PXDNL: variants seen among roughly 807,000 people sequenced by gnomAD.
PXDNL encodes the protein peroxidasin like, also known as probable oxidoreductase PXDNL.
PXDNL carries 145 observed loss-of-function variants against 150.8 expected under a neutral mutation model. The ratio of observed to expected loss-of-function variants is 0.96; its 90% CI spans 0.84 to 1.10. The LOEUF is 1.10. PXDNL is among the 50% of genes least tolerant of loss of function. The pLI, the probability that PXDNL is intolerant of heterozygous loss-of-function variation, is 0.00. For synonymous variants in PXDNL, 757 were observed against 725.7 expected, an observed-to-expected ratio of 1.04 and a Z score of -0.69; for missense variants, 2,087 against 1,873.9, an observed-to-expected ratio of 1.11 and a Z score of -2.10.
chr8:51,516,602 A>G (rs1246700955), intron 4 of PXDNL, among the ~76,000 whole-genome samples: 1 of 152,232 alleles, frequency 6.6e-6, no homozygotes, highest in Non-Finnish European at 1.5e-5. Flanking sequence ...GTTTTACAAT[A>G]TTAGCATTTT....
chr8:51,413,438 T>C (rs952380986), intron 14 of PXDNL, among the ~76,000 whole-genome samples, 180 bp from the exon 15 acceptor site: 1 of 152,208 alleles, frequency 6.6e-6, no homozygotes, highest in Non-Finnish European at 1.5e-5. Flanking sequence ...GGTAATTATC[T>C]TGAAGCAAGG....
intron 6 of PXDNL, among the ~76,000 whole-genome samples, chr8:51,476,496 G>A (rs1810478909): frequency 6.6e-6 from 1 of 152,094 alleles, no homozygotes; most frequent in Non-Finnish European, 1.5e-5. Context: ...TCTTTATGGT[G>A]TTTCCTAAGA....
intron 1 of PXDNL, among the ~76,000 whole-genome samples, chr8:51,710,620 C>T (rs370946062): frequency 3.5e-4 from 53 of 152,264 alleles, no homozygotes; most frequent in East Asian, 1.5e-3. Context: ...CCTTGGTAGC[C>T]GCCATTCTGC....
At chr8:51,557,258 G>A (rs1812619456) in intron 3 of PXDNL, among the ~76,000 whole-genome samples, 1 of 152,052 alleles carries the variant, frequency 6.6e-6, no homozygotes, top group South Asian at 2.1e-4. Flanking sequence ...TTATGACACT[G>A]AATATATTCA....
At chr8:51,652,458 CACAA>C (rs1317374709) in intron 2 of PXDNL, among the ~76,000 whole-genome samples, 21 of 149,462 alleles carry the variant, frequency 1.4e-4, no homozygotes, top group East Asian at 3.9e-4. Context: ...CACACACACA[CACAA>C]ACACACACAC....
At chr8:51,419,730 A>AT (rs1808896902) in intron 14 of PXDNL, among the ~76,000 whole-genome samples, 1 of 152,230 alleles carries the variant, frequency 6.6e-6, no homozygotes, top group African/African-American at 2.4e-5. Context: ...AGTTATTATT[A>AT]AATATTTTTT....
chr8:51,423,457 C>A, intron 14 of PXDNL, 118 bp downstream of exon 14: 1 of 687,704 alleles, frequency 1.5e-6, no homozygotes, highest in African/African-American at 1.9e-5. Context: ...TATAAACACA[C>A]TTGACCAGAA....
intron 11 of PXDNL, among the ~76,000 whole-genome samples, chr8:51,448,657 A>C (rs1035526731): frequency 1.3e-5 from 2 of 152,018 alleles, no homozygotes; most frequent in Non-Finnish European, 2.9e-5. Flanking sequence ...CCGAGATTGC[A>C]CCACTGCACT....
chr8:51,442,886 T>C (rs1809583890), intron 12 of PXDNL, among the ~76,000 whole-genome samples: 1 of 152,120 alleles, frequency 6.6e-6, no homozygotes, highest in Non-Finnish European at 1.5e-5. Context: ...AAATACCTTA[T>C]GGCATTAATT....
intron 1 of PXDNL, among the ~76,000 whole-genome samples, chr8:51,716,769 C>T (rs373782258): frequency 1.3e-5 from 2 of 152,318 alleles, no homozygotes; most frequent in South Asian, 2.1e-4. Flanking sequence ...AGGTGGAAAA[C>T]GATTGCACCC....
At position 51,490,727 on chromosome 8, in the gene PXDNL, A is replaced by AGTGTGTGTGT. The variant is rs35415972; in HGVS notation, c.453-7023_453-7014dup. On this transcript the variant is annotated intron_variant, in intron 5 of 22. Transcript: ENST00000356297. The stretch of plus-strand genomic sequence containing the variant: ...CTCATCAGTATGTAATTGACTTTCT[A>AGTGTGTGTGT]GTGTGTGTGTGTGTGTGTGTGTGTG... 3.3e-3 allele frequency among the ~76,000 whole-genome samples: 490 copies of AGTGTGTGTGT among 147,298 alleles called. 8 individuals carry two copies. The highest frequency in any genetic ancestry group is 0.012 in the African/African-American group (463 of 39,722).
At chr8:51,696,785 A>ACACACAGG (rs1816147026) in intron 1 of PXDNL, among the ~76,000 whole-genome samples, 3 of 108,318 alleles carry the variant, frequency 2.8e-5, no homozygotes, top group Non-Finnish European at 3.9e-5. Flanking sequence ...CCACACACAT[A>ACACACAGG]CCCACCCACA....
At chr8:51,674,639 T>C (rs13259819) in intron 1 of PXDNL, among the ~76,000 whole-genome samples, 126,879 of 152,188 alleles carry the variant, frequency 0.83, 53,105 homozygotes, top group African/African-American at 0.9. Context: ...GGTGTGGCTA[T>C]TGGGGCAGCT....
intron 3 of PXDNL, among the ~76,000 whole-genome samples, chr8:51,557,340 C>A (rs970728903): frequency 6.6e-6 from 1 of 152,146 alleles, no homozygotes; most frequent in Non-Finnish European, 1.5e-5. Context: ...CTTAGAGATG[C>A]ATAAGATGAA....
chr8:51,539,974 T>A lies in PXDNL; in HGVS notation c.380+16866A>T, dbSNP rs994761712. On this transcript the variant is annotated intron_variant, in intron 4 of 22. Transcript: ENST00000356297. ...TTTAGACAGAGTCTCACTCTGTCAA[T>A]CAGGCTGGAGTGCAGTGGCTCAATC... Among the ~76,000 whole-genome samples the A allele has an allele frequency of 2.6e-5, 4 of 151,648 alleles. 1 individual carries two copies. In the Middle Eastern group the frequency reaches 0.01, roughly 387 times the overall value.
chr8:51,525,282 G>A (rs1308865712), intron 4 of PXDNL, among the ~76,000 whole-genome samples: 1 of 152,154 alleles, frequency 6.6e-6, no homozygotes, highest in African/African-American at 2.4e-5. Context: ...TAAATGGGTA[G>A]ATTTTATGGT....
At chr8:51,730,528 T>C (rs572150095) in intron 1 of PXDNL, among the ~76,000 whole-genome samples, 1 of 152,354 alleles carries the variant, frequency 6.6e-6, no homozygotes, top group Admixed American at 6.5e-5. Flanking sequence ...CTATATGCCA[T>C]GGATGTAGAG....
intron 12 of PXDNL, among the ~76,000 whole-genome samples, chr8:51,441,487 G>C (rs1809547168): frequency 6.6e-6 from 1 of 152,188 alleles, no homozygotes; most frequent in African/African-American, 2.4e-5. Context: ...GTGAACAGCA[G>C]CAGAGAACTA....
chr8:51,362,736 A>G (rs1391992642), intron 19 of PXDNL, among the ~76,000 whole-genome samples: 1 of 152,234 alleles, frequency 6.6e-6, no homozygotes, highest in Admixed American at 6.5e-5. Context: ...GCAATGAAGC[A>G]TGTGATTGAA....
Sources: gnomAD v4.1 joint callset for allele counts (sites outside exome capture counted in the v4.1 genomes callset) on GRCh38, gnomAD v4.1.1 for gene constraint, MANE v1.5 for transcripts, NCBI Gene and HGNC (gene_info 2026-07-23, HGNC 2026-07-21) for gene names.